ARHGAP6: variants seen among roughly 807,000 people sequenced by gnomAD.
ARHGAP6 encodes Rho GTPase activating protein 6.
In ARHGAP6, 16 loss-of-function variants were observed where a neutral mutation model predicts 55.7. The ratio of observed to expected loss-of-function variants is 0.29; its 90% confidence interval spans 0.19 to 0.44. ARHGAP6 has a LOEUF of 0.44. Among genes scored for constraint, ARHGAP6 ranks in the 20% least tolerant of loss-of-function variants. ARHGAP6 has a pLI of 1.00. For missense variants in ARHGAP6, 698 were observed against 808.9 expected (o/e 0.86, Z 1.66); for synonymous variants, 382 against 360.9 (o/e 1.06, Z -0.66).
At chrX:11,596,259 T>G (rs2051901173) in intron 1 of ARHGAP6, among the ~76,000 whole-genome samples, 1 of 111,918 alleles carries the variant, frequency 8.9e-6, no homozygotes, top group African/African-American at 3.3e-5. Context: ...AACGATGAGT[T>G]CATGTCCTTT....
In ARHGAP6 at chrX:11,188,997, A is replaced by T. The variant is rs775355183; in HGVS notation, c.821-13T>A. Reference sequence around the variant, plus strand: ...TGTGGGATGAATTCTGGAATCAAAAAACAGACATTCACTTTCAGAGACTGA... The same window carrying T: ...TGTGGGATGAATTCTGGAATCAAAATACAGACATTCACTTTCAGAGACTGA... On this transcript the variant is annotated splice_polypyrimidine_tract_variant and intron_variant, in intron 3 of 12. Transcript: ENST00000337414. 5.8e-6 allele frequency: 7 copies of T among 1,204,943 alleles called. No homozygotes were observed. The highest frequency in any genetic ancestry group is 3.4e-6 in the Non-Finnish European group (3 of 891,702).
rs1049258212 is a variant in ARHGAP6, at chrX:11,143,697, G to T, written c.2176+283C>A. The T allele has an allele frequency of 2.8e-6, 3 of 1,056,709 alleles. No homozygotes were observed. The African/African-American group carries it at 5.7e-5, about 20-fold the overall frequency. The allele number at this position is 1,056,709 out of a possible 1,213,427, so 87.1% of individuals were successfully genotyped here. On this transcript the variant is annotated intron_variant, in intron 11 of 12. Coordinates refer to ENST00000337414, the MANE Select transcript of ARHGAP6 (RefSeq NM_013427.3). ...AGGATGCTGGAGGGAAAAAGAATCA[G>T]CTGGGAATAGGAGTGGCTCCTCTGG... is the stretch of plus-strand genomic sequence containing the variant.
chrX:11,448,995 C>T (rs1326227937), intron 1 of ARHGAP6, among the ~76,000 whole-genome samples: 1 of 111,425 alleles, frequency 9.0e-6, no homozygotes, highest in Non-Finnish European at 1.9e-5. Context: ...GTGCGGGAGG[C>T]TGGGAGTAAG....
chrX:11,497,414 A>C (rs888535236), intron 1 of ARHGAP6, among the ~76,000 whole-genome samples: 1 of 110,882 alleles, frequency 9.0e-6, no homozygotes, highest in Non-Finnish European at 1.9e-5. Flanking sequence ...CCCCAATGTA[A>C]TGGAATGTGA....
At chrX:11,418,581 T>C (rs1312656690) in intron 1 of ARHGAP6, among the ~76,000 whole-genome samples, 1 of 112,279 alleles carries the variant, frequency 8.9e-6, no homozygotes, top group African/African-American at 3.2e-5. Context: ...TTTTGAATTA[T>C]ATTAATAAAT....
intron 1 of ARHGAP6, among the ~76,000 whole-genome samples, chrX:11,268,215 A>G (rs1045249537): frequency 1.8e-5 from 2 of 111,979 alleles, no homozygotes; most frequent in Non-Finnish European, 3.8e-5. Context: ...TTTTGAGTGA[A>G]TACATTTCTG....
chrX:11,277,189 C>T (rs5979390), intron 1 of ARHGAP6, among the ~76,000 whole-genome samples: 21,365 of 111,086 alleles, frequency 0.19, 1,588 homozygotes, highest in Middle Eastern at 0.34. Flanking sequence ...AGTTCATCCA[C>T]GTTGTAGCAT....
intron 1 of ARHGAP6, among the ~76,000 whole-genome samples, chrX:11,463,592 T>C (rs935554795): frequency 6.3e-5 from 7 of 111,974 alleles, no homozygotes; most frequent in African/African-American, 2.3e-4. Flanking sequence ...CCCTTTGCCT[T>C]GGCCTCTCAA....
chrX:11,185,142 CTGTGTGTGTGTGTGTGTGTGTGTG>C (rs3990773), intron 5 of ARHGAP6, among the ~76,000 whole-genome samples: 3 of 95,982 alleles, frequency 3.1e-5, no homozygotes, highest in East Asian at 3.2e-4. Flanking sequence ...TGGTGCATGA[CTGTGTGTGTGTGTGTGTGTGTGTG>C]TGTGTGTGTG....
At chrX:11,249,799 T>A (rs949249040) in intron 2 of ARHGAP6, among the ~76,000 whole-genome samples, 3 of 111,618 alleles carry the variant, frequency 2.7e-5, no homozygotes, top group Non-Finnish European at 3.8e-5. Context: ...TGCTTATCTG[T>A]CAGAGATAAT....
Position 11,558,836 on chromosome X carries a change from CAAAAAAAAAAAAAAAAAAAAAA to C in ARHGAP6, c.588+105383_588+105404del, listed in dbSNP as rs58936931. Among the ~76,000 whole-genome samples the C allele has an allele frequency of 3.7e-4, 11 of 30,072 alleles. No homozygotes were observed. In the Admixed American group the frequency reaches 4.3e-3, roughly 12 times the overall value. The allele number at this position is 30,072 out of a possible 115,157, so 26.1% of individuals were successfully genotyped here. A position where few individuals can be genotyped will look rare whatever the true frequency, so the allele number is the denominator to read the frequency against. ...GGGCGACAAGAGCAAGATTCCATCT[CAAAAAAAAAAAAAAAAAAAAAA>C]AAAAAAAAAAAAGGACAAATTTTAC... On this transcript the variant is annotated intron_variant, in intron 1 of 12. Transcript: ENST00000337414.
intron 1 of ARHGAP6, among the ~76,000 whole-genome samples, chrX:11,528,157 C>T (rs756503488): frequency 8.9e-6 from 1 of 111,929 alleles, no homozygotes; most frequent in Non-Finnish European, 1.9e-5. Context: ...TATGAGCAAT[C>T]GCTACAGAAC....
chrX:11,380,328 T>G (rs900150558), intron 1 of ARHGAP6, among the ~76,000 whole-genome samples: 4 of 111,950 alleles, frequency 3.6e-5, no homozygotes, highest in African/African-American at 1.3e-4. Flanking sequence ...GATTTTCAGC[T>G]GGGTGTGGTT....
chrX:11,491,853 C>T (rs1216110137), intron 1 of ARHGAP6, among the ~76,000 whole-genome samples: 1 of 108,787 alleles, frequency 9.2e-6, no homozygotes, highest in Non-Finnish European at 1.9e-5. Context: ...GTTCCTATTT[C>T]TCCACATCCT....
chrX:11,650,072 G>A (rs2052569513), intron 1 of ARHGAP6, among the ~76,000 whole-genome samples: 1 of 101,011 alleles, frequency 9.9e-6, no homozygotes, highest in African/African-American at 3.7e-5. Flanking sequence ...ATGGTTCACT[G>A]CAACCTTGAA....
intron 1 of ARHGAP6, among the ~76,000 whole-genome samples, chrX:11,415,436 G>C (rs1363110350): frequency 8.9e-6 from 1 of 112,340 alleles, no homozygotes; most frequent in African/African-American, 3.2e-5. Flanking sequence ...ATCCATGACA[G>C]AAAGAACTCA....
chrX:11,490,570 G>T (rs2050557531), intron 1 of ARHGAP6, among the ~76,000 whole-genome samples: 1 of 111,805 alleles, frequency 8.9e-6, no homozygotes, highest in Admixed American at 9.5e-5. Context: ...TGTATGGTAA[G>T]CCTCTAAGTT....
At chrX:11,627,959 G>A (rs2052318022) in intron 1 of ARHGAP6, among the ~76,000 whole-genome samples, 1 of 111,515 alleles carries the variant, frequency 9.0e-6, no homozygotes, top group Non-Finnish European at 1.9e-5. Flanking sequence ...TATCCCTAAT[G>A]GTTAGTTTTC....
At chrX:11,152,321 T>C (rs777119391) in intron 10 of ARHGAP6, among the ~76,000 whole-genome samples, 2 of 111,995 alleles carry the variant, frequency 1.8e-5, no homozygotes, top group Non-Finnish European at 3.8e-5. Context: ...TACACAAACA[T>C]GTGTTACTGA....
Sources: allele counts gnomAD v4.1 joint callset (sites outside exome capture counted in the v4.1 genomes callset), GRCh38; gene constraint gnomAD v4.1.1; transcripts MANE v1.5; gene names NCBI Gene and HGNC (gene_info 2026-07-23, HGNC 2026-07-21).